MEX3C: variants seen among roughly 807,000 people sequenced by gnomAD.
MEX3C encodes mex-3 RNA binding family member C, also known as RNA-binding E3 ubiquitin-protein ligase MEX3C.
MEX3C carries 15 observed loss-of-function variants against 35.5 expected under a neutral mutation model. That is an observed-to-expected ratio of 0.42 (90% CI 0.28 to 0.65). The LOEUF (loss-of-function observed/expected upper bound fraction) is 0.65, where lower values mean the gene tolerates loss of function less well. MEX3C is among the 30% of genes least tolerant of loss of function. MEX3C has a pLI of 0.20. For synonymous variants in MEX3C, 390 were observed against 352.8 expected (o/e 1.11, Z -1.18); for missense variants, 711 against 842.8 (o/e 0.84, Z 1.94).
intron 1 of MEX3C, among the ~76,000 whole-genome samples, chr18:51,187,220 CCT>C (rs1912559995): frequency 6.6e-6 from 1 of 152,216 alleles, no homozygotes; most frequent in African/African-American, 2.4e-5. Flanking sequence ...CCTTTTCCTC[CCT>C]GAGTTATCTG....
rs751092312 is a variant in MEX3C, at chr18:51,196,605, G to C, written c.716C>G (p.Pro239Arg). Residue 239 changes from proline to arginine, a missense_variant, in exon 1 of 2, where the codon CCC (proline) becomes CGC (arginine). Pro to Arg is a moderately radical substitution (Grantham distance 103). Transcript: ENST00000406189. ...SVNTTECVPV[P>R]SSEHVAEIVG... ...GATCTCGGCGACGTGCTCGGAGCTGGGCACCGGGACGCACTCGGTGGTGTT... is the reference window on the plus strand; with the variant it reads ...GATCTCGGCGACGTGCTCGGAGCTGCGCACCGGGACGCACTCGGTGGTGTT... 6.3e-7 allele frequency: 1 copy of C among 1,593,728 alleles called. No individual in the cohort carries two copies. The highest frequency in any genetic ancestry group is 1.7e-5 in the Admixed American group (1 of 58,992).
rs913410105 is a variant in MEX3C, at chr18:51,177,636, C to T, written c.755-60G>A. ...TCTACTTCAATGATATATATAAAGACAAATCACAGAATGCACCTTTTAAGC... is the reference window on the plus strand; with the variant it reads ...TCTACTTCAATGATATATATAAAGATAAATCACAGAATGCACCTTTTAAGC... On this transcript the variant is annotated intron_variant, in intron 1 of 1. Transcript: ENST00000406189. The surrounding 1 kb of genome is among the most constrained non-coding windows in gnomAD (Gnocchi z 4.2). 6.7e-7 allele frequency: 1 copy of T among 1,495,386 alleles called. No homozygotes were observed. Among genetic ancestry groups the T allele is most frequent in the Non-Finnish European group, 8.9e-7 (1 of 1,118,706 alleles). The allele number at this position is 1,495,386 out of a possible 1,614,324, so 92.6% of individuals were successfully genotyped here.
chr18:51,189,564 T>C (rs1396083384), intron 1 of MEX3C, among the ~76,000 whole-genome samples: 2 of 152,198 alleles, frequency 1.3e-5, no homozygotes, highest in African/African-American at 4.8e-5. Context: ...TTTTTTCACT[T>C]ATTTTAGACA....
Position 51,175,062 on chromosome 18 carries a change from A to C in MEX3C, c.*1289T>G, listed in dbSNP as rs1423815083. The C allele has an allele frequency of 6.5e-6, 1 of 152,674 alleles. No homozygotes were observed. The highest frequency in any genetic ancestry group is 2.4e-5 in the African/African-American group (1 of 41,464). The allele number at this position is 152,674 out of a possible 1,614,324, so 9.5% of individuals were successfully genotyped here. On this transcript the variant is annotated 3_prime_UTR_variant, in exon 2 of 2. Coordinates refer to ENST00000406189, the MANE Select transcript of MEX3C (RefSeq NM_016626.5). ...AATCAAAATAAAAACCGTTATTTGT[A>C]AACTTTTATACGAAATGTAACTCTT...
intron 1 of MEX3C, among the ~76,000 whole-genome samples, chr18:51,184,138 G>T (rs1229557413): frequency 1.3e-5 from 2 of 152,196 alleles, no homozygotes; most frequent in African/African-American, 4.8e-5. Flanking sequence ...AACTTCAGGT[G>T]TCTTCTAGGA....
intron 1 of MEX3C, among the ~76,000 whole-genome samples, chr18:51,180,410 G>A (rs1246054295): frequency 6.6e-6 from 1 of 152,152 alleles, no homozygotes; most frequent in Non-Finnish European, 1.5e-5. Context: ...ACCCAAAAGG[G>A]TCATGTGTTT....
Position 51,176,351 on chromosome 18 carries a change from T to C in MEX3C, c.1980A>G (p.Ter660=), listed in dbSNP as rs1039160022. Residue 660 remains the stop codon, a stop_retained_variant, in exon 2 of 2, where the codon TAA becomes TAG. Transcript: ENST00000406189. ...ATAGTATTTATGTATATATATATAG[T>C]TAAGAGTGAATTTGGATTGCCTGAG... ...AVTQAIQIHS[*] is the part of the protein sequence containing the mutation. The C allele has an allele frequency of 6.2e-7, 1 of 1,610,746 alleles. No homozygotes were observed. Among genetic ancestry groups the C allele is most frequent in the Non-Finnish European group, 8.5e-7 (1 of 1,178,124 alleles).
At position 51,197,141 on chromosome 18, in the gene MEX3C, G is replaced by A. The variant is rs1912827556; in HGVS notation, c.180C>T (p.Pro60=). 9 of 1,077,884 alleles carry A rather than the reference G, an allele frequency of 8.3e-6. No individual in the cohort carries two copies. The highest frequency in any genetic ancestry group is 1.0e-5 in the Non-Finnish European group (9 of 894,324). 66.8% of individuals were successfully genotyped at this position (1,077,884 alleles called of 1,614,324 possible). A position where few individuals can be genotyped will look rare whatever the true frequency, so the allele number is the denominator to read the frequency against. The stretch of plus-strand genomic sequence containing the variant: ...CCGGGGCGCCGGGCTCCGCCGGGCT[G>A]GGGTCGTCGAGGCCTAGCGCGGCCA... ...ERLAALGLDD[P]SPAEPGAPAL... The change falls in exon 1 of 2, where the codon CCC becomes CCT. Residue 60 remains proline, a synonymous_variant. Transcript: ENST00000406189.
chr18:51,191,899 A>G (rs17664213), intron 1 of MEX3C, among the ~76,000 whole-genome samples: 1 of 151,978 alleles, frequency 6.6e-6, no homozygotes, highest in African/African-American at 2.4e-5. Context: ...AGACTGTCAC[A>G]GGCAGTTTGG....
chr18:51,191,950 G>A (rs1339303049), intron 1 of MEX3C, among the ~76,000 whole-genome samples: 2 of 152,122 alleles, frequency 1.3e-5, no homozygotes, highest in Non-Finnish European at 2.9e-5. Flanking sequence ...TATAAGCTAC[G>A]ATATTAAAAT....
intron 1 of MEX3C, among the ~76,000 whole-genome samples, chr18:51,181,951 G>A (rs2144550627): frequency 6.6e-6 from 1 of 152,232 alleles, no homozygotes; most frequent in Admixed American, 6.5e-5. Flanking sequence ...TAGTGCTACT[G>A]ATATTATTTT....
chr18:51,177,721 C>A lies in MEX3C; in HGVS notation c.755-145G>T, dbSNP rs1912335726. 1 of 934,678 alleles carries A rather than the reference C, an allele frequency of 1.1e-6. No individual in the cohort carries two copies. The highest frequency in any genetic ancestry group is 1.5e-6 in the Non-Finnish European group (1 of 656,238). 57.9% of individuals were successfully genotyped at this position (934,678 alleles called of 1,614,324 possible). On this transcript the variant is annotated intron_variant, in intron 1 of 1. Coordinates refer to ENST00000406189, the MANE Select transcript of MEX3C (RefSeq NM_016626.5). This position sits in a 1 kb window ranked among gnomAD's most constrained non-coding sequence, Gnocchi z 4.2. ...TTCACATAGCTAGGAAGTGGCAGAG[C>A]CAGAAGTAAACCTAGTTTGACTTAA...
At chr18:51,190,721 G>C (rs1057448239) in intron 1 of MEX3C, among the ~76,000 whole-genome samples, 20 of 152,088 alleles carry the variant, frequency 1.3e-4, no homozygotes, top group Non-Finnish European at 2.5e-4. Flanking sequence ...ATAAAGACTT[G>C]AACTACTCAA....
intron 1 of MEX3C, among the ~76,000 whole-genome samples, chr18:51,184,279 G>A (rs1912488503): frequency 6.6e-6 from 1 of 152,160 alleles, no homozygotes; most frequent in East Asian, 1.9e-4. Context: ...GATAAGCACT[G>A]CAGTCCTGCC....
intron 1 of MEX3C, among the ~76,000 whole-genome samples, chr18:51,179,437 T>C (rs975090190): frequency 2.0e-5 from 3 of 152,210 alleles, no homozygotes; most frequent in Admixed American, 6.5e-5. Context: ...CAAAAACACA[T>C]GGGACCAGGA....
chr18:51,196,352 C>T (rs1157307518), intron 1 of MEX3C: 2 of 1,145,198 alleles, frequency 1.7e-6, no homozygotes, highest in Non-Finnish European at 2.4e-6. Flanking sequence ...CGAGAAACTT[C>T]ACACTTTTTA....
At chr18:51,187,027 G>A (rs1001027065) in intron 1 of MEX3C, among the ~76,000 whole-genome samples, 1 of 152,142 alleles carries the variant, frequency 6.6e-6, no homozygotes, top group Non-Finnish European at 1.5e-5. Context: ...AACATCTTGA[G>A]TAGCTCTTCT....
rs1376621527 is a variant in MEX3C at position 51,197,525 on chromosome 18, C to T, written c.-205G>A. On this transcript the variant is annotated 5_prime_UTR_variant, in exon 1 of 2. Transcript: ENST00000406189. ...GGGGTGGAGGGGCAGGGGAAGGAGG[C>T]AGAGGTAGGTAACTAGGTGGGTGGG... 1.0e-5 allele frequency among the ~76,000 whole-genome samples: 1 copy of T among 97,640 alleles called. No individual in the cohort carries two copies. Among genetic ancestry groups the T allele is most frequent in the Admixed American group, 1.4e-4 (1 of 7,240 alleles). 64.1% of individuals were successfully genotyped at this position (97,640 alleles called of 152,430 possible). A position where few individuals can be genotyped will look rare whatever the true frequency, so the allele number is the denominator to read the frequency against.
Position 51,177,242 on chromosome 18 carries a change from C to T in MEX3C, c.1089G>A (p.Pro363=), listed in dbSNP as rs373121044. The change falls in exon 2 of 2, where the codon CCG becomes CCA. Residue 363 remains proline (P), a synonymous_variant. Transcript: ENST00000406189. The surrounding 1 kb of genome is among the most constrained non-coding windows in gnomAD (Gnocchi z 4.2). Reference sequence around the variant, plus strand: ...CAAAGACAGGTTCCTTATCTCTGCTCGGAGTTACTATGTAGGTGTGGGTCT... The same window carrying T: ...CAAAGACAGGTTCCTTATCTCTGCTTGGAGTTACTATGTAGGTGTGGGTCT... ...QQQTHTYIVT[P]SRDKEPVFEV... 1.4e-5 allele frequency: 22 copies of T among 1,613,800 alleles called. No homozygotes were observed. The highest frequency in any genetic ancestry group is 6.7e-5 in the East Asian group (3 of 44,896).
Sources: gnomAD v4.1 joint callset for allele counts (sites outside exome capture counted in the v4.1 genomes callset) on GRCh38, gnomAD v4.1.1 for gene constraint, Gnocchi (gnomAD v3.1) non-coding constraint, MANE v1.5 for transcripts, NCBI Gene and HGNC (gene_info 2026-07-23, HGNC 2026-07-21) for gene names.